The following TFCP2L1 variants were observed in gnomAD, a reference collection of about 807,000 sequenced individuals.
TFCP2L1 encodes transcription factor CP2-like protein 1.
TFCP2L1 carries 12 observed loss-of-function variants against 72.2 expected under a neutral mutation model. That is an observed-to-expected ratio of 0.17 (90% confidence interval 0.11 to 0.27). The LOEUF (loss-of-function observed/expected upper bound fraction) is 0.27. TFCP2L1 is among the 10% of genes least tolerant of loss of function. The probability of loss-of-function intolerance (pLI) is 1.00; values close to 1 mark genes in which losing one functional copy is unlikely to be tolerated. For synonymous variants in TFCP2L1, 260 were observed against 251.0 expected, an observed-to-expected ratio of 1.04 and a Z score of -0.34; for missense variants, 488 against 624.6, an observed-to-expected ratio of 0.78 and a Z score of 2.33.
At chr2:121,281,031 T>A in intron 2 of TFCP2L1, 89 bp downstream of exon 2, 1 of 1,573,298 alleles carries the variant, frequency 6.4e-7, no homozygotes, top group Non-Finnish European at 8.6e-7. Flanking sequence ...TCACCCACCG[T>A]AACAAAGTCA....
intron 6 of TFCP2L1, among the ~76,000 whole-genome samples, chr2:121,243,377 G>C (rs1177106780): frequency 6.6e-6 from 1 of 152,206 alleles, no homozygotes; most frequent in Admixed American, 6.5e-5. Context: ...TCGGCTCCCA[G>C]ATCAAGGGTT....
rs1394461471 is a variant in TFCP2L1 at position 121,216,823 on chromosome 2, G to T, written c.*7518C>A. The T allele has an allele frequency of 6.6e-6, 1 of 152,250 alleles. No homozygotes were observed. The allele number at this position is 152,250 out of a possible 1,614,324, so 9.4% of individuals were successfully genotyped here. On this transcript the variant is annotated 3_prime_UTR_variant, in exon 15 of 15. Coordinates refer to ENST00000263707, the MANE Select transcript of TFCP2L1 (RefSeq NM_014553.3). ...AGATACTCCCACCACCTTTAGAAAA[G>T]AGTCACCCAATCTGGAGAAAGGTGT...
chr2:121,240,410 G>A lies in TFCP2L1; in HGVS notation c.769-761C>T, dbSNP rs145650126. 5,466 of 985,420 alleles carry A rather than the reference G, an allele frequency of 5.5e-3. 13 individuals carry two copies. The highest frequency in any genetic ancestry group is 0.016 in the Middle Eastern group (30 of 1,914). 61.0% of individuals were successfully genotyped at this position (985,420 alleles called of 1,614,324 possible). A position where few individuals can be genotyped will look rare whatever the true frequency, so the allele number is the denominator to read the frequency against. ...TTCCCTGCGATGATGCCTCTTCAGA[G>A]AGGGCCAATTTGAAGCATTCCCGAA... On this transcript the variant is annotated intron_variant, in intron 7 of 14. Transcript: ENST00000263707.
At chr2:121,262,685 G>A (rs1558741326) in intron 2 of TFCP2L1, among the ~76,000 whole-genome samples, 1 of 151,658 alleles carries the variant, frequency 6.6e-6, no homozygotes, top group Non-Finnish European at 1.5e-5. Flanking sequence ...GTCAGTTCCT[G>A]GTTTCAGTAA....
intron 6 of TFCP2L1, among the ~76,000 whole-genome samples, chr2:121,246,438 T>G (rs895708307): frequency 2.6e-5 from 4 of 152,186 alleles, no homozygotes; most frequent in Non-Finnish European, 4.4e-5. Flanking sequence ...GCTTTGATTT[T>G]TAAGGAGAAT....
chr2:121,280,937 C>T (rs1012306739), intron 2 of TFCP2L1, among the ~76,000 whole-genome samples, 183 bp downstream of exon 2: 82 of 152,116 alleles, frequency 5.4e-4, no homozygotes, highest in African/African-American at 1.9e-3. Flanking sequence ...GATGAAGACA[C>T]TGAGGCTGGA....
At chr2:121,266,085 T>C (rs1442933937) in intron 2 of TFCP2L1, among the ~76,000 whole-genome samples, 1 of 152,006 alleles carries the variant, frequency 6.6e-6, no homozygotes, top group Non-Finnish European at 1.5e-5. Context: ...AGGCTGGTCC[T>C]GAACTCCTGG....
At chr2:121,280,493 T>TA (rs1687233011) in intron 2 of TFCP2L1, among the ~76,000 whole-genome samples, 1 of 152,118 alleles carries the variant, frequency 6.6e-6, no homozygotes, top group Admixed American at 6.6e-5. Flanking sequence ...CACAGTGGCT[T>TA]AGGCCTATAA....
chr2:121,250,310 T>C (rs1232006062), intron 2 of TFCP2L1, among the ~76,000 whole-genome samples: 1 of 151,398 alleles, frequency 6.6e-6, no homozygotes, highest in Middle Eastern at 3.2e-3. Context: ...AAATATACCA[T>C]GAATAAATAG....
chr2:121,269,027 T>A (rs1446781747), intron 2 of TFCP2L1, among the ~76,000 whole-genome samples: 1 of 151,952 alleles, frequency 6.6e-6, no homozygotes, highest in Non-Finnish European at 1.5e-5. Context: ...AAGGCTTTTT[T>A]TTTTATTAAA....
intron 2 of TFCP2L1, among the ~76,000 whole-genome samples, chr2:121,258,096 A>C (rs1234868994): frequency 6.6e-6 from 1 of 152,250 alleles, no homozygotes; most frequent in Non-Finnish European, 1.5e-5. Flanking sequence ...GAAGAACACG[A>C]AAAGATGCTC....
chr2:121,235,404 G>C (rs1235008574), intron 10 of TFCP2L1, 93 bp from the exon 11 acceptor site: 8 of 1,233,362 alleles, frequency 6.5e-6, no homozygotes, highest in East Asian at 2.4e-5. Context: ...CACTGGGGGT[G>C]GGGGGTGGGG....
At chr2:121,273,023 C>G (rs1687076871) in intron 2 of TFCP2L1, among the ~76,000 whole-genome samples, 2 of 152,316 alleles carry the variant, frequency 1.3e-5, no homozygotes, top group South Asian at 4.1e-4. Flanking sequence ...ACAGTGTGTT[C>G]AGCTGCACCC....
Position 121,249,421 on chromosome 2 carries a change from C to T in TFCP2L1, c.291+150G>A, listed in dbSNP as rs938963556. 8 of 694,088 alleles carry T rather than the reference C, an allele frequency of 1.2e-5. No individual in the cohort carries two copies. In the African/African-American group the frequency reaches 1.4e-4, roughly 12 times the overall value. The allele number at this position is 694,088 out of a possible 1,614,324, so 43.0% of individuals were successfully genotyped here. ...GGCAACAGGCTCCAGAGAAGCCAAA[C>T]AGGGGCTGCGTCTCACCGTTGAGGG... is the stretch of plus-strand genomic sequence containing the variant. On this transcript the variant is annotated intron_variant, in intron 3 of 14. Coordinates refer to ENST00000263707, the MANE Select transcript of TFCP2L1 (RefSeq NM_014553.3).
chr2:121,278,259 A>G (rs1202981043), intron 2 of TFCP2L1, among the ~76,000 whole-genome samples: 1 of 147,378 alleles, frequency 6.8e-6, no homozygotes, highest in African/African-American at 2.5e-5. Flanking sequence ...GATGGTCTCG[A>G]TCTCCTGACC....
At chr2:121,241,260 G>A (rs143478372) in intron 7 of TFCP2L1, among the ~76,000 whole-genome samples, 5,341 of 152,300 alleles carry the variant, frequency 0.035, 172 homozygotes, top group East Asian at 0.13. Flanking sequence ...TTGGGAGGCC[G>A]AGGTGGGCAG....
intron 2 of TFCP2L1, among the ~76,000 whole-genome samples, chr2:121,271,032 A>G (rs1687036532): frequency 6.6e-6 from 1 of 152,152 alleles, no homozygotes; most frequent in South Asian, 2.1e-4. Flanking sequence ...TCTATTAAAA[A>G]TACAAAAATT....
rs200542988 is a variant in TFCP2L1 at position 121,248,949 on chromosome 2, C to G, written c.397+33G>C. 56 of 1,517,660 alleles carry G rather than the reference C, an allele frequency of 3.7e-5. No individual in the cohort carries two copies. The African/African-American group carries it at 6.2e-4, about 17-fold the overall frequency. 94.0% of individuals were successfully genotyped at this position (1,517,660 alleles called of 1,614,324 possible). ...CCCAATGTGGCCTGGGTGCCTCGAG[C>G]CTTGCCTGGCCTCTCCTGGCCAGGA... is the stretch of plus-strand genomic sequence containing the variant. On this transcript the variant is annotated intron_variant, in intron 4 of 14. Transcript: ENST00000263707.
At chr2:121,230,039 G>A (rs2104663689) in intron 13 of TFCP2L1, among the ~76,000 whole-genome samples, 1 of 152,282 alleles carries the variant, frequency 6.6e-6, no homozygotes, top group Non-Finnish European at 1.5e-5. Context: ...AGGGTCAGGT[G>A]GGGCTCTATA....
Sources: allele counts gnomAD v4.1 joint callset (sites outside exome capture counted in the v4.1 genomes callset), GRCh38; gene constraint gnomAD v4.1.1; transcripts MANE v1.5; gene names NCBI Gene and HGNC (gene_info 2026-07-23, HGNC 2026-07-21).